ZNF157: variants seen among roughly 807,000 people sequenced by gnomAD.
ZNF157 encodes zinc finger protein 157.
ZNF157 carries 8 observed loss-of-function variants against 9.4 expected under a neutral mutation model. The ratio of observed to expected loss-of-function variants is 0.85; its 90% CI spans 0.50 to 1.53. The LOEUF (loss-of-function observed/expected upper bound fraction) is 1.53. ZNF157 is among the 40% of genes most tolerant of loss of function. The pLI is 0.00. For missense variants in ZNF157, 316 were observed against 385.2 expected (o/e 0.82, Z 1.50); for synonymous variants, 120 against 130.8 (o/e 0.92, Z 0.56).
intron 1 of ZNF157, among the ~76,000 whole-genome samples, chrX:47,401,984 G>C (rs7060956): frequency 2.7e-5 from 3 of 111,071 alleles, no homozygotes; most frequent in African/African-American, 9.8e-5. Flanking sequence ...CAGTCCTCCC[G>C]CTTCGGCCTC....
rs1464161815 is a variant in ZNF157 at position 47,412,498 on chromosome X, C to A, written c.425C>A (p.Ala142Asp). The A allele has an allele frequency of 8.3e-7, 1 of 1,210,160 alleles. No homozygotes were observed. Among genetic ancestry groups the A allele is most frequent in the East Asian group, 3.0e-5 (1 of 33,816 alleles). The change falls in exon 4 of 4, where the codon GCC becomes GAC. Residue 142 changes from alanine (A) to aspartate (D), a missense_variant. Physicochemically the swap from Ala to Asp is moderately radical, Grantham distance 126. Transcript: ENST00000377073. ...QNVEYNGCRK[A>D]FHEKTGFVRR... ...GTTGAATATAATGGATGCAGGAAAG[C>A]CTTCCATGAGAAAACAGGCTTTGTT...
chrX:47,411,358 A>AT (rs765329416), intron 3 of ZNF157, among the ~76,000 whole-genome samples: 2 of 105,261 alleles, frequency 1.9e-5, no homozygotes, highest in African/African-American at 7.0e-5. Context: ...TTATTCTTTT[A>AT]TTTTTTTGAG....
In ZNF157 at chrX:47,374,998, C is replaced by CTTTTTTTTT. The variant is rs769541152; in HGVS notation, c.72+4286_72+4294dup. Among the ~76,000 whole-genome samples, 144 of 24,996 alleles carry CTTTTTTTTT rather than the reference C, an allele frequency of 5.8e-3. 53 individuals are homozygous for CTTTTTTTTT. The highest frequency in any genetic ancestry group is 8.3e-3 in the Non-Finnish European group (119 of 14,377). 21.7% of individuals were successfully genotyped at this position (24,996 alleles called of 115,157 possible). Reference sequence around the variant, plus strand: ...GTGAGCCCTGAGCCCGGCTGACAATCTTTTTTTTTTTTTTTTTTTTTTTTT... The same window carrying CTTTTTTTTT: ...GTGAGCCCTGAGCCCGGCTGACAATCTTTTTTTTTTTTTTTTTTTTTTTTTTTTTTTTTT... On this transcript the variant is annotated intron_variant, in intron 1 of 3. Transcript: ENST00000377073.
At chrX:47,385,567 G>GTGTGTA (rs2055877279) in intron 1 of ZNF157, among the ~76,000 whole-genome samples, 1 of 108,515 alleles carries the variant, frequency 9.2e-6, no homozygotes, top group Non-Finnish European at 1.9e-5. Flanking sequence ...GTGTGTGTGT[G>GTGTGTA]TGTGTGTGTG....
chrX:47,413,872 ATGT>A lies in ZNF157; in HGVS notation c.*283_*285del, dbSNP rs2055975082. The A allele has an allele frequency of 4.3e-6, 1 of 230,772 alleles. No individual in the cohort carries two copies. The highest frequency in any genetic ancestry group is 7.6e-6 in the Non-Finnish European group (1 of 131,749). 19.0% of individuals were successfully genotyped at this position (230,772 alleles called of 1,213,427 possible). On this transcript the variant is annotated 3_prime_UTR_variant, in exon 4 of 4. Coordinates refer to ENST00000377073, the MANE Select transcript of ZNF157 (RefSeq NM_003446.4). ...GTTCATCTCTTGCTTTTTGGTTTAAATGTTGTTTTTTAACATATGAGAATATAA... is the reference window on the plus strand; with the variant it reads ...GTTCATCTCTTGCTTTTTGGTTTAAATGTTTTTTAACATATGAGAATATAA...
intron 1 of ZNF157, among the ~76,000 whole-genome samples, chrX:47,383,321 G>A (rs1247996803): frequency 1.1e-5 from 1 of 87,819 alleles, no homozygotes; most frequent in African/African-American, 4.1e-5. Context: ...GCAGTGAGCT[G>A]AGATCGCACC....
chrX:47,386,801 G>A (rs953677603), intron 1 of ZNF157, among the ~76,000 whole-genome samples: 129 of 111,157 alleles, frequency 1.2e-3, no homozygotes, highest in African/African-American at 4.1e-3. Flanking sequence ...TTTGCTTGTT[G>A]CCTTTGTTTC....
chrX:47,371,069 G>A (rs950462894), intron 1 of ZNF157, among the ~76,000 whole-genome samples: 8 of 111,505 alleles, frequency 7.2e-5, no homozygotes, highest in Admixed American at 1.9e-4. Context: ...GGTGGCTCAC[G>A]CCTGTCACCT....
Position 47,370,690 on chromosome X carries a change from C to T in ZNF157, c.22C>T (p.Pro8Ser). 8.3e-7 allele frequency: 1 copy of T among 1,204,470 alleles called. No homozygotes were observed. The highest frequency in any genetic ancestry group is 3.0e-5 in the East Asian group (1 of 33,414). The stretch of plus-strand genomic sequence containing the variant: ...GAACATGCCAGCTAATGGGACATCA[C>T]CCCAGAGATTCCCTGCCCTGATTCC... MPANGTS[P>S]QRFPALIPGE... The change falls in exon 1 of 4, where the codon CCC (proline) becomes TCC (serine). Residue 8 changes from proline to serine, a missense_variant. This residue lies in a region of ZNF157 where 146 missense variants were observed against 183.8 expected (regional missense o/e 0.79). Transcript: ENST00000377073.
intron 1 of ZNF157, among the ~76,000 whole-genome samples, chrX:47,388,062 G>A (rs1397700392): frequency 9.2e-6 from 1 of 108,673 alleles, no homozygotes; most frequent in East Asian, 2.9e-4. Flanking sequence ...GAGAGTTCCT[G>A]ATACTTAAAT....
In ZNF157 at chrX:47,413,735, A is replaced by G; in HGVS notation, c.*141A>G. Reference sequence around the variant, plus strand: ...AGGGGATAGCTCATTGTTTTTATTCAGATTTCCCTAATTAGTGGTGTGTGA... The same window carrying G: ...AGGGGATAGCTCATTGTTTTTATTCGGATTTCCCTAATTAGTGGTGTGTGA... On this transcript the variant is annotated 3_prime_UTR_variant, in exon 4 of 4. Transcript: ENST00000377073. 1 of 984,418 alleles carries G rather than the reference A, an allele frequency of 1.0e-6. No individual in the cohort carries two copies. Among genetic ancestry groups the G allele is most frequent in the African/African-American group, 1.9e-5 (1 of 52,152 alleles). The allele number at this position is 984,418 out of a possible 1,213,427, so 81.1% of individuals were successfully genotyped here. A position where few individuals can be genotyped will look rare whatever the true frequency, so the allele number is the denominator to read the frequency against.
intron 1 of ZNF157, among the ~76,000 whole-genome samples, chrX:47,379,484 G>A (rs1297601765): frequency 1.9e-5 from 2 of 103,684 alleles, no homozygotes; most frequent in Non-Finnish European, 3.9e-5. Context: ...GCGGTGGTGC[G>A]ATCTCGGCTC....
rs2055975550 is a variant in ZNF157 at position 47,414,045 on chromosome X, T to C, written c.*451T>C. 1 of 110,657 alleles carries C rather than the reference T, an allele frequency of 9.0e-6. No homozygotes were observed. Among genetic ancestry groups the C allele is most frequent in the African/African-American group, 3.3e-5 (1 of 30,408 alleles). The allele number at this position is 110,657 out of a possible 1,213,427, so 9.1% of individuals were successfully genotyped here. A position where few individuals can be genotyped will look rare whatever the true frequency, so the allele number is the denominator to read the frequency against. Reference sequence around the variant, plus strand: ...TTATTTTTTTGAGATGGAGTCTCACTCTGTCACCCAGGCTGGAGTGCAATG... The same window carrying C: ...TTATTTTTTTGAGATGGAGTCTCACCCTGTCACCCAGGCTGGAGTGCAATG... On this transcript the variant is annotated 3_prime_UTR_variant, in exon 4 of 4. Coordinates refer to ENST00000377073, the MANE Select transcript of ZNF157 (RefSeq NM_003446.4).
chrX:47,397,663 C>T (rs1209018834), intron 1 of ZNF157, among the ~76,000 whole-genome samples: 1 of 111,715 alleles, frequency 9.0e-6, no homozygotes, highest in African/African-American at 3.2e-5. Context: ...GATCTGCCCG[C>T]CTTGGCCTCC....
intron 1 of ZNF157, among the ~76,000 whole-genome samples, chrX:47,405,482 A>T (rs748839655): frequency 9.0e-6 from 1 of 110,927 alleles, no homozygotes; most frequent in African/African-American, 3.3e-5. Flanking sequence ...TCATAATTCA[A>T]CATGAGATTT....
intron 1 of ZNF157, among the ~76,000 whole-genome samples, chrX:47,383,517 G>A (rs1381158316): frequency 1.9e-5 from 2 of 104,222 alleles, no homozygotes; most frequent in African/African-American, 3.5e-5. Flanking sequence ...GCAACATAGC[G>A]AAATCCCATC....
At chrX:47,374,082 C>T (rs999297458) in intron 1 of ZNF157, among the ~76,000 whole-genome samples, 3 of 110,669 alleles carry the variant, frequency 2.7e-5, no homozygotes, top group South Asian at 3.8e-4. Context: ...CTGGTCAGTA[C>T]GAAGCTCTGG....
chrX:47,399,278 A>G (rs2055923432), intron 1 of ZNF157, among the ~76,000 whole-genome samples: 1 of 111,437 alleles, frequency 9.0e-6, no homozygotes, highest in African/African-American at 3.3e-5. Context: ...TAGACAGTGC[A>G]TCTGGATTCA....
chrX:47,396,534 C>T (rs2055913973), intron 1 of ZNF157, among the ~76,000 whole-genome samples: 1 of 109,450 alleles, frequency 9.1e-6, no homozygotes. Context: ...AGCGAAACTC[C>T]GTCTCAAAAA....
Sources: allele counts gnomAD v4.1 joint callset (sites outside exome capture counted in the v4.1 genomes callset), GRCh38; gene constraint gnomAD v4.1.1; regional missense constraint gnomAD v4.1.1; transcripts MANE v1.5; gene names NCBI Gene and HGNC (gene_info 2026-07-23, HGNC 2026-07-21).